Variants in STYK1 observed in about 807,000 individuals in gnomAD.
STYK1 encodes STY kinase 1, also known as tyrosine-protein kinase STYK1.
In STYK1, 46 loss-of-function variants were observed where a neutral mutation model predicts 48.1. The observed-to-expected ratio is 0.96, with a 90% CI of 0.75 to 1.22. The LOEUF (loss-of-function observed/expected upper bound fraction) is 1.22. Ranked by LOEUF, STYK1 falls within the 50% of genes most tolerant of loss-of-function variation. The pLI, the probability that STYK1 is intolerant of heterozygous loss-of-function variation, is 0.00. For missense variants in STYK1, 527 were observed against 521.1 expected (o/e 1.01, Z -0.11); for synonymous variants, 188 against 189.0 (o/e 0.99, Z 0.04).
chr12:10,658,062 C>A (rs1416115883), intron 1 of STYK1, among the ~76,000 whole-genome samples: 1 of 152,124 alleles, frequency 6.6e-6, no homozygotes, highest in Non-Finnish European at 1.5e-5. Flanking sequence ...AAAAATTAAT[C>A]TTGTGAAGGA....
intron 7 of STYK1, among the ~76,000 whole-genome samples, chr12:10,625,996 A>G (rs1193938552): frequency 6.6e-6 from 1 of 152,174 alleles, no homozygotes; most frequent in Admixed American, 6.5e-5. Flanking sequence ...GAAAGTTGCA[A>G]AACTATACAT....
At chr12:10,632,955 C>T (rs1271212637) in intron 4 of STYK1, among the ~76,000 whole-genome samples, 2 of 152,076 alleles carry the variant, frequency 1.3e-5, no homozygotes, top group South Asian at 4.1e-4. Context: ...ATTTCAGGAC[C>T]TTTGTTTTGG....
chr12:10,655,583 C>T, intron 1 of STYK1, among the ~76,000 whole-genome samples: 1 of 152,146 alleles, frequency 6.6e-6, no homozygotes, highest in Admixed American at 6.5e-5. Context: ...TTATCCCCTC[C>T]CCCCATGAAC....
At chr12:10,639,724 C>CT (rs1004228076) in intron 1 of STYK1, among the ~76,000 whole-genome samples, 4 of 152,240 alleles carry the variant, frequency 2.6e-5, no homozygotes, top group Admixed American at 1.3e-4. Flanking sequence ...AAATTAGCCA[C>CT]TTTTTAAAAA....
At position 10,671,902 on chromosome 12, in the gene STYK1, AAGGGTTGAACTGTACACCCTC is replaced by A. The variant is rs553167490; in HGVS notation, c.-195+2043_-195+2063del. On this transcript the variant is annotated intron_variant, in intron 1 of 10. Transcript: ENST00000075503. ...GCATAATTAAAGACATTAGTTGTTA[AAGGGTTGAACTGTACACCCTC>A]TCAAAATTAATATGCTGACATTCTA... 9.8e-3 allele frequency among the ~76,000 whole-genome samples: 1,495 copies of A among 152,328 alleles called. 24 individuals carry two copies. Among genetic ancestry groups the A allele is most frequent in the African/African-American group, 0.034 (1,433 of 41,564 alleles).
intron 1 of STYK1, among the ~76,000 whole-genome samples, chr12:10,656,874 A>G (rs1947724976): frequency 6.6e-6 from 1 of 152,176 alleles, no homozygotes; most frequent in African/African-American, 2.4e-5. Flanking sequence ...GCTTTGTTTC[A>G]TTTTGTATTG....
chr12:10,669,566 G>T (rs1021721498), intron 1 of STYK1, among the ~76,000 whole-genome samples: 3 of 152,060 alleles, frequency 2.0e-5, no homozygotes, highest in African/African-American at 7.2e-5. Flanking sequence ...ATCATATTAG[G>T]CTAGGCAATG....
At chr12:10,625,224 T>C (rs1271596752) in intron 7 of STYK1, among the ~76,000 whole-genome samples, 7 of 151,982 alleles carry the variant, frequency 4.6e-5, no homozygotes, top group African/African-American at 1.5e-4. Flanking sequence ...GTTTGTTTGT[T>C]TGTTTGTTTG....
At chr12:10,637,336 AT>A (rs531819965) in intron 1 of STYK1, 140 bp from the exon 2 acceptor site, 40,232 of 130,486 alleles carry the variant, frequency 0.31, 5,317 homozygotes, top group Non-Finnish European at 0.36. Flanking sequence ...TGAGTCTAGG[AT>A]TTTTTTTTTT....
chr12:10,669,867 A>G (rs1947873946), intron 1 of STYK1, among the ~76,000 whole-genome samples: 1 of 152,232 alleles, frequency 6.6e-6, no homozygotes, highest in African/African-American at 2.4e-5. Context: ...ACCAACACAT[A>G]TGTGAAAAAA....
intron 1 of STYK1, among the ~76,000 whole-genome samples, chr12:10,652,334 G>T (rs1947670995): frequency 6.6e-6 from 1 of 152,008 alleles, no homozygotes; most frequent in Non-Finnish European, 1.5e-5. Flanking sequence ...CAGCAAGTTA[G>T]ATCACTTCCC....
chr12:10,622,087 A>G, intron 9 of STYK1, 115 bp from the exon 10 acceptor site: 2 of 796,054 alleles, frequency 2.5e-6, no homozygotes, highest in Non-Finnish European at 4.1e-6. Context: ...CATAGGAAAA[A>G]TACTACATAC....
At chr12:10,622,359 T>A (rs911792516) in intron 9 of STYK1, among the ~76,000 whole-genome samples, 2 of 152,158 alleles carry the variant, frequency 1.3e-5, no homozygotes, top group African/African-American at 4.8e-5. Context: ...ATCCTTGGGA[T>A]TTGAAAACAT....
At chr12:10,639,434 A>C (rs1003613345) in intron 1 of STYK1, among the ~76,000 whole-genome samples, 1 of 150,116 alleles carries the variant, frequency 6.7e-6, no homozygotes, top group African/African-American at 2.5e-5. Flanking sequence ...TTTTTTTCTG[A>C]TGGAGTCTCG....
At chr12:10,670,445 T>C (rs1006693231) in intron 1 of STYK1, among the ~76,000 whole-genome samples, 1 of 152,122 alleles carries the variant, frequency 6.6e-6, no homozygotes, top group African/African-American at 2.4e-5. Flanking sequence ...ACCCAGGAGA[T>C]ATTATGTTAA....
At position 10,670,267 on chromosome 12, in the gene STYK1, T is replaced by C. The variant is rs900321053; in HGVS notation, c.-195+3699A>G. Among the ~76,000 whole-genome samples, 3 of 152,162 alleles carry C rather than the reference T, an allele frequency of 2.0e-5. No individual in the cohort carries two copies. In the East Asian group the frequency reaches 5.8e-4, roughly 29 times the overall value. ...AATCAGTGTGTCTGATTTCACATACTGCTGTCTGCACGCCATGTTTATTGC... is the reference window on the plus strand; with the variant it reads ...AATCAGTGTGTCTGATTTCACATACCGCTGTCTGCACGCCATGTTTATTGC... On this transcript the variant is annotated intron_variant, in intron 1 of 10. Transcript: ENST00000075503.
intron 4 of STYK1, among the ~76,000 whole-genome samples, chr12:10,631,806 C>T (rs1947432388): frequency 6.6e-6 from 1 of 152,182 alleles, no homozygotes; most frequent in East Asian, 1.9e-4. Context: ...TTCATATTTC[C>T]TTGAGTCTTG....
chr12:10,665,063 G>A (rs1310907157), intron 1 of STYK1, among the ~76,000 whole-genome samples: 1 of 152,190 alleles, frequency 6.6e-6, no homozygotes, highest in Non-Finnish European at 1.5e-5. Flanking sequence ...TGAAATATGG[G>A]TGAGGAAAAG....
intron 1 of STYK1, among the ~76,000 whole-genome samples, chr12:10,658,947 G>A (rs1174640731): frequency 6.6e-6 from 1 of 152,144 alleles, no homozygotes; most frequent in Non-Finnish European, 1.5e-5. Flanking sequence ...ACAGACAACT[G>A]TTGTCTTGTT....
Sources: gnomAD v4.1 joint callset for allele counts (sites outside exome capture counted in the v4.1 genomes callset) on GRCh38, gnomAD v4.1.1 for gene constraint, MANE v1.5 for transcripts, NCBI Gene and HGNC (gene_info 2026-07-23, HGNC 2026-07-21) for gene names.